The following GMDS variants were observed in gnomAD, a reference collection of about 807,000 sequenced individuals.
GMDS encodes GDP-mannose 4,6-dehydratase, also known as GDP-mannose 4,6 dehydratase.
In GMDS, 20 loss-of-function variants were observed where a neutral mutation model predicts 49.9. The ratio of observed to expected loss-of-function variants is 0.40; its 90% CI spans 0.28 to 0.58. GMDS has a LOEUF of 0.58. GMDS is among the 20% of genes least tolerant of loss of function. GMDS has a pLI of 0.42. For missense variants in GMDS, 362 were observed against 481.4 expected, an observed-to-expected ratio of 0.75 and a Z score of 2.32; for synonymous variants, 177 against 178.6, an observed-to-expected ratio of 0.99 and a Z score of 0.07.
intron 7 of GMDS, among the ~76,000 whole-genome samples, chr6:1,771,357 G>T (rs1407384347): frequency 6.6e-6 from 1 of 152,204 alleles, no homozygotes; most frequent in Admixed American, 6.5e-5. Flanking sequence ...ACACACTCTG[G>T]TTTGAATCCC....
At chr6:1,815,294 C>G (rs1401555281) in intron 7 of GMDS, among the ~76,000 whole-genome samples, 2 of 152,132 alleles carry the variant, frequency 1.3e-5, no homozygotes, top group Admixed American at 1.3e-4. Context: ...AAATTTACCC[C>G]AAGTTATTAT....
intron 8 of GMDS, among the ~76,000 whole-genome samples, chr6:1,735,864 C>G (rs1470597289): frequency 6.6e-6 from 1 of 152,148 alleles, no homozygotes; most frequent in Non-Finnish European, 1.5e-5. Flanking sequence ...TTAATTGACA[C>G]CCAATTAGAG....
chr6:2,024,504 T>C (rs1341140462), intron 4 of GMDS, among the ~76,000 whole-genome samples: 1 of 151,944 alleles, frequency 6.6e-6, no homozygotes, highest in Non-Finnish European at 1.5e-5. Context: ...AATCGAAACA[T>C]GGGAAGTAGC....
chr6:1,678,957 T>A (rs1283826734), intron 9 of GMDS, among the ~76,000 whole-genome samples: 1 of 152,248 alleles, frequency 6.6e-6, no homozygotes, highest in Admixed American at 6.5e-5. Flanking sequence ...ATATCTGGAA[T>A]ATGATTCTGA....
At chr6:1,696,385 A>C (rs1372643918) in intron 9 of GMDS, among the ~76,000 whole-genome samples, 2 of 152,246 alleles carry the variant, frequency 1.3e-5, no homozygotes, top group Non-Finnish European at 2.9e-5. Flanking sequence ...AACCAGCTGA[A>C]GAACCATTTT....
intron 9 of GMDS, among the ~76,000 whole-genome samples, chr6:1,647,794 C>G (rs1470098308): frequency 6.6e-6 from 1 of 152,170 alleles, no homozygotes; most frequent in East Asian, 1.9e-4. Context: ...GGGGGAAGGA[C>G]AAGCCCTTCC....
At chr6:1,857,213 G>A (rs964946925) in intron 7 of GMDS, among the ~76,000 whole-genome samples, 2 of 152,156 alleles carry the variant, frequency 1.3e-5, no homozygotes, top group Non-Finnish European at 2.9e-5. Context: ...ACATTCATAC[G>A]ACATTCCTTG....
At chr6:1,688,004 A>C (rs894638214) in intron 9 of GMDS, among the ~76,000 whole-genome samples, 1 of 152,206 alleles carries the variant, frequency 6.6e-6, no homozygotes, top group Admixed American at 6.5e-5. Context: ...AAGTGCCACT[A>C]TCTTCACAAT....
chr6:1,909,919 T>C (rs1760964528), intron 7 of GMDS, among the ~76,000 whole-genome samples: 1 of 152,168 alleles, frequency 6.6e-6, no homozygotes, highest in African/African-American at 2.4e-5. Flanking sequence ...TGGGATTCCG[T>C]GTATAAGAAA....
chr6:1,807,552 A>G (rs895748083), intron 7 of GMDS, among the ~76,000 whole-genome samples: 2 of 152,186 alleles, frequency 1.3e-5, no homozygotes, highest in African/African-American at 4.8e-5. Flanking sequence ...GACAATACCT[A>G]TACCATAAAC....
chr6:1,871,618 T>C (rs769459466), intron 7 of GMDS, among the ~76,000 whole-genome samples: 8 of 152,246 alleles, frequency 5.3e-5, no homozygotes, highest in South Asian at 2.1e-4. Context: ...AATTTTATAA[T>C]AGAAAAACGT....
chr6:2,073,986 G>C (rs1030113591), intron 4 of GMDS, among the ~76,000 whole-genome samples: 8 of 152,134 alleles, frequency 5.3e-5, no homozygotes, highest in Admixed American at 1.3e-4. Context: ...TGCAAGTGCA[G>C]GTATGCCTTT....
intron 4 of GMDS, among the ~76,000 whole-genome samples, chr6:2,053,162 T>C (rs1245299057): frequency 6.6e-6 from 1 of 152,168 alleles, no homozygotes; most frequent in Non-Finnish European, 1.5e-5. Context: ...TATTACATAA[T>C]TGCCCAAAAT....
intron 9 of GMDS, among the ~76,000 whole-genome samples, chr6:1,710,447 A>C (rs1581491582): frequency 6.6e-6 from 1 of 152,212 alleles, no homozygotes; most frequent in Non-Finnish European, 1.5e-5. Flanking sequence ...CCTGCTCTGG[A>C]CCTGCCGTGG....
chr6:1,639,307 G>A lies in GMDS; in HGVS notation c.988-14767C>T, dbSNP rs1482908327. Among the ~76,000 whole-genome samples the A allele has an allele frequency of 2.0e-5, 3 of 152,256 alleles. No individual in the cohort carries two copies. The South Asian group carries it at 6.2e-4, about 31-fold the overall frequency. On this transcript the variant is annotated intron_variant, in intron 9 of 10. Coordinates refer to ENST00000380815, the MANE Select transcript of GMDS (RefSeq NM_001500.4). ...GATTAAGCTACCTTCACAGTGGGAC[G>A]CAGGAGGCGCTCACAGGCCAGTGAA...
At chr6:1,858,967 G>GT (rs111451463) in intron 7 of GMDS, among the ~76,000 whole-genome samples, 3 of 150,492 alleles carry the variant, frequency 2.0e-5, no homozygotes, top group East Asian at 1.9e-4. Flanking sequence ...TTGTGTTTTG[G>GT]GGGGGGCAGG....
At chr6:2,097,416 G>A (rs368861093) in intron 4 of GMDS, among the ~76,000 whole-genome samples, 2 of 152,064 alleles carry the variant, frequency 1.3e-5, no homozygotes, top group African/African-American at 4.8e-5. Flanking sequence ...AGAGAAAGAG[G>A]GTGCAGCTTA....
intron 4 of GMDS, among the ~76,000 whole-genome samples, chr6:2,088,593 A>G (rs1365037305): frequency 2.6e-5 from 4 of 152,208 alleles, no homozygotes; most frequent in African/African-American, 7.2e-5. Context: ...TTTTCTATGC[A>G]TACTTTACTT....
At chr6:1,953,364 C>T (rs1763460790) in intron 6 of GMDS, among the ~76,000 whole-genome samples, 1 of 152,182 alleles carries the variant, frequency 6.6e-6, no homozygotes, top group African/African-American at 2.4e-5. Flanking sequence ...CCTTTATTCA[C>T]AATAGCTACT....
Sources: gnomAD v4.1 joint callset for allele counts (sites outside exome capture counted in the v4.1 genomes callset) on GRCh38, gnomAD v4.1.1 for gene constraint, MANE v1.5 for transcripts, NCBI Gene and HGNC (gene_info 2026-07-23, HGNC 2026-07-21) for gene names.